CPLANE1: variants seen among roughly 807,000 people sequenced by gnomAD.
CPLANE1 encodes the protein ciliogenesis and planar polarity effector complex subunit 1, also known as ciliogenesis and planar polarity effector 1.
CPLANE1 carries 263 observed loss-of-function variants against 362.5 expected under a neutral mutation model. The observed-to-expected ratio is 0.73, with a 90% CI of 0.66 to 0.80. CPLANE1 has a LOEUF of 0.80. Ranked by LOEUF, CPLANE1 falls within the 30% of genes least tolerant of loss-of-function variation. The pLI is 0.00. For missense variants in CPLANE1, 3,461 were observed against 3,793.4 expected (o/e 0.91, Z 2.30); for synonymous variants, 1,212 against 1,302.6 (o/e 0.93, Z 1.50).
Position 37,187,910 on chromosome 5 carries a change from A to T in CPLANE1, c.3812-68T>A, listed in dbSNP as rs929456680. 3.9e-6 allele frequency: 4 copies of T among 1,020,544 alleles called. No homozygotes were observed. In the African/African-American group the frequency reaches 6.5e-5, roughly 17 times the overall value. 63.2% of individuals were successfully genotyped at this position (1,020,544 alleles called of 1,614,324 possible). The stretch of plus-strand genomic sequence containing the variant: ...GTACATTAATATTATAACAACTCCA[A>T]CTCTGCTGATCATTTTTTTCAAAAT... On this transcript the variant is annotated intron_variant, in intron 21 of 52. Coordinates refer to ENST00000651892, the MANE Select transcript of CPLANE1 (RefSeq NM_001384732.1).
the CPLANE1 span, among the ~76,000 whole-genome samples, chr5:37,098,115 C>G: frequency 6.6e-6 from 1 of 151,926 alleles, no homozygotes; most frequent in Non-Finnish European, 1.5e-5. Context: ...CACAGCAGGC[C>G]AGGCATGGTG....
rs1233818854 is a variant in CPLANE1, at chr5:37,184,939, C to CA, written c.4329dup (p.Glu1444Ter). 1 of 1,614,136 alleles carries CA rather than the reference C, an allele frequency of 6.2e-7. No homozygotes were observed. Among genetic ancestry groups the CA allele is most frequent in the Admixed American group, 1.7e-5 (1 of 60,010 alleles). On this transcript the variant is annotated frameshift_variant, in exon 25 of 53. Coordinates refer to ENST00000651892, the MANE Select transcript of CPLANE1 (RefSeq NM_001384732.1). The stretch of plus-strand genomic sequence containing the variant: ...GAATATCTGTCAACACCTGGAGCCT[C>CA]ATCTGGTTTCTCTTCTTCAATTGGT...
At chr5:37,083,094 C>T in the CPLANE1 span, among the ~76,000 whole-genome samples, 1 of 152,170 alleles carries the variant, frequency 6.6e-6, no homozygotes, top group Non-Finnish European at 1.5e-5. Flanking sequence ...AGACAGTTCA[C>T]ATCACAGGAC....
intron 44 of CPLANE1, chr5:37,140,419 G>A (rs1398793627): frequency 1.0e-6 from 1 of 984,776 alleles, no homozygotes; most frequent in Non-Finnish European, 1.2e-6. Flanking sequence ...GCATTTGTGG[G>A]TTAAGAGCAA....
chr5:37,238,191 G>C (rs977359067), intron 8 of CPLANE1, among the ~76,000 whole-genome samples: 1 of 152,038 alleles, frequency 6.6e-6, no homozygotes, highest in African/African-American at 2.4e-5. Flanking sequence ...TTGTGTGTGT[G>C]TGACAGAGTC....
At chr5:37,208,945 AAAAG>A (rs201821336) in intron 16 of CPLANE1, among the ~76,000 whole-genome samples, 26,596 of 138,086 alleles carry the variant, frequency 0.19, 2,739 homozygotes, top group East Asian at 0.34. Context: ...ATGAAAAAAA[AAAAG>A]AAAAGAAAAA....
chr5:37,218,181 A>G (rs1260966117), intron 15 of CPLANE1, among the ~76,000 whole-genome samples: 1 of 152,120 alleles, frequency 6.6e-6, no homozygotes, highest in Admixed American at 6.5e-5. Flanking sequence ...ACCCTAACTG[A>G]TAAGAAGAGC....
chr5:37,218,843 G>C (rs960668615), intron 15 of CPLANE1, among the ~76,000 whole-genome samples: 34 of 151,946 alleles, frequency 2.2e-4, no homozygotes, highest in Admixed American at 9.2e-4. Context: ...AGCTACTCGG[G>C]AGGCTGAGGC....
In CPLANE1 at chr5:37,122,492, C is replaced by A. The variant is rs1214233626; in HGVS notation, c.8959-4G>T. ...TTTCCCTTGAAGTCATGTAAAGCTG[C>A]ATAAAAAATACCCAGTTGGTTCATT... On this transcript the variant is annotated splice_region_variant and splice_polypyrimidine_tract_variant and intron_variant, in intron 47 of 52. Transcript: ENST00000651892. The A allele has an allele frequency of 1.2e-6, 2 of 1,606,266 alleles. No homozygotes were observed. Among genetic ancestry groups the A allele is most frequent in the Non-Finnish European group, 1.7e-6 (2 of 1,176,882 alleles).
intron 51 of CPLANE1, 52 bp downstream of exon 51, chr5:37,114,908 A>AG: frequency 8.4e-7 from 1 of 1,197,046 alleles, no homozygotes; most frequent in East Asian, 2.4e-5. Flanking sequence ...CAAAAAAAAA[A>AG]AAAAGAAAAT....
Position 37,206,254 on chromosome 5 carries a change from G to A in CPLANE1, c.3092C>T (p.Ser1031Phe). The change falls in exon 17 of 53, where the codon TCT becomes TTT. Residue 1031 changes from serine (S) to phenylalanine (F), a missense_variant. Coordinates refer to ENST00000651892, the MANE Select transcript of CPLANE1 (RefSeq NM_001384732.1). ...LAYKLGDWKT[S>F]VSIGVAFQLF... ...CTGGAAAGCCACACCAATTGAAACA[G>A]ACGTCTTCCAGTCTCCAAGTTTATA... 2 of 1,551,792 alleles carry A rather than the reference G, an allele frequency of 1.3e-6. No homozygotes were observed. The highest frequency in any genetic ancestry group is 1.7e-6 in the Non-Finnish European group (2 of 1,147,014).
chr5:37,094,896 C>T, the CPLANE1 span, among the ~76,000 whole-genome samples: 1 of 151,994 alleles, frequency 6.6e-6, no homozygotes, highest in African/African-American at 2.4e-5. Flanking sequence ...GAATTAGATA[C>T]CCTGAACAGA....
chr5:37,245,191 T>C (rs1739158240), intron 4 of CPLANE1, among the ~76,000 whole-genome samples: 1 of 150,250 alleles, frequency 6.7e-6, no homozygotes, highest in Admixed American at 6.6e-5. Flanking sequence ...TTATCAAGTA[T>C]ATATTATGTG....
At chr5:37,084,771 T>TAAAAAAAGATATCTTTTTTTTTAAAA in the CPLANE1 span, among the ~76,000 whole-genome samples, 96 of 150,556 alleles carry the variant, frequency 6.4e-4, no homozygotes, top group African/African-American at 2.1e-3. Flanking sequence ...ACTCTGTCTT[T>TAAAAAAAGATATCTTTTTTTTTAAAA]AAAAAAAGAT....
chr5:37,194,081 C>T (rs1786495096), intron 21 of CPLANE1, among the ~76,000 whole-genome samples: 1 of 152,044 alleles, frequency 6.6e-6, no homozygotes, highest in African/African-American at 2.4e-5. Flanking sequence ...ACCACTATGC[C>T]TGGCTAATTT....
intron 34 of CPLANE1, 103 bp downstream of exon 34, chr5:37,168,688 A>AT (rs1355652160): frequency 2.0e-6 from 2 of 978,862 alleles, no homozygotes; most frequent in Admixed American, 2.4e-5. Flanking sequence ...TATAACAAGC[A>AT]TTTTTTTATG....
intron 46 of CPLANE1, among the ~76,000 whole-genome samples, chr5:37,127,076 C>T (rs1477240576): frequency 1.3e-5 from 2 of 152,170 alleles, no homozygotes; most frequent in African/African-American, 2.4e-5. Context: ...CATGTTGTCA[C>T]AACTTGTTAC....
chr5:37,157,251 T>A, intron 41 of CPLANE1, 62 bp downstream of exon 41: 1 of 1,041,900 alleles, frequency 9.6e-7, no homozygotes, highest in Non-Finnish European at 1.3e-6. Context: ...CAAATTTTGG[T>A]GCTTGTTTCC....
At chr5:37,201,333 A>G (rs1789130701) in intron 19 of CPLANE1, among the ~76,000 whole-genome samples, 1 of 152,146 alleles carries the variant, frequency 6.6e-6, no homozygotes, top group South Asian at 2.1e-4. Context: ...GAGCTAGAAG[A>G]TTTTACAGGA....
Sources: allele counts gnomAD v4.1 joint callset (sites outside exome capture counted in the v4.1 genomes callset), GRCh38; gene constraint gnomAD v4.1.1; transcripts MANE v1.5; gene names NCBI Gene and HGNC (gene_info 2026-07-23, HGNC 2026-07-21).